The following IL1RAP variants were observed in gnomAD, a reference collection of about 807,000 sequenced individuals.
IL1RAP encodes interleukin 1 receptor accessory protein.
In IL1RAP, 35 loss-of-function variants were observed where a neutral mutation model predicts 60.7. The observed-to-expected ratio is 0.58, with a 90% CI of 0.44 to 0.76. The LOEUF (loss-of-function observed/expected upper bound fraction) is 0.76, where lower values mean the gene tolerates loss of function less well. Among genes scored for constraint, IL1RAP ranks in the 30% least tolerant of loss-of-function variants. The pLI, the probability that IL1RAP is intolerant of heterozygous loss-of-function variation, is 0.00. For missense variants in IL1RAP, 572 were observed against 693.9 expected (o/e 0.82, Z 1.97); for synonymous variants, 268 against 250.9 (o/e 1.07, Z -0.64).
intron 3 of IL1RAP, among the ~76,000 whole-genome samples, chr3:190,576,578 GA>G (rs1727471155): frequency 6.6e-6 from 1 of 152,054 alleles, no homozygotes; most frequent in Non-Finnish European, 1.5e-5. Context: ...AGAGATTAAA[GA>G]ACAATCCAGC....
intron 1 of IL1RAP, among the ~76,000 whole-genome samples, chr3:190,524,436 T>A (rs1280622690): frequency 6.6e-6 from 1 of 152,192 alleles, no homozygotes; most frequent in African/African-American, 2.4e-5. Flanking sequence ...CATTCCTATG[T>A]CCAGAATGGC....
rs1734267787 is a variant in IL1RAP, at chr3:190,649,538, A to G, written c.*833A>G. ...TAATGGTGCTATAGAGAGGGAGGTA[A>G]CAGAAAGACTCTTTTAGGGCATTTT... On this transcript the variant is annotated 3_prime_UTR_variant, in exon 12 of 12. Transcript: ENST00000447382. The G allele has an allele frequency of 2.0e-6, 2 of 985,688 alleles. No homozygotes were observed. The highest frequency in any genetic ancestry group is 3.5e-5 in the African/African-American group (2 of 57,230). The allele number at this position is 985,688 out of a possible 1,614,324, so 61.1% of individuals were successfully genotyped here.
At position 190,649,794 on chromosome 3, in the gene IL1RAP, G is replaced by A. The variant is rs1367006766; in HGVS notation, c.*1089G>A. On this transcript the variant is annotated 3_prime_UTR_variant, in exon 12 of 12. Coordinates refer to ENST00000447382, the MANE Select transcript of IL1RAP (RefSeq NM_002182.4). Reference sequence around the variant, plus strand: ...ATTCACTAGTGCAGGAAATATACTTGCTCCAAATAAGTCAGTATGAGAAGT... The same window carrying A: ...ATTCACTAGTGCAGGAAATATACTTACTCCAAATAAGTCAGTATGAGAAGT... 8.1e-6 allele frequency: 8 copies of A among 984,956 alleles called. No individual in the cohort carries two copies. The highest frequency in any genetic ancestry group is 3.6e-6 in the Non-Finnish European group (3 of 829,650). The allele number at this position is 984,956 out of a possible 1,614,324, so 61.0% of individuals were successfully genotyped here. A position where few individuals can be genotyped will look rare whatever the true frequency, so the allele number is the denominator to read the frequency against.
chr3:190,640,551 A>T lies in IL1RAP; in HGVS notation c.1052-3697A>T, dbSNP rs563284326. On this transcript the variant is annotated intron_variant, in intron 9 of 11. Transcript: ENST00000447382. ...TTCCAAAAATTATCCATCAGTCCCA[A>T]TAATTTAGAACGGAGTAGCCATGGG... 5.3e-5 allele frequency among the ~76,000 whole-genome samples: 8 copies of T among 152,330 alleles called. No individual in the cohort carries two copies. The South Asian group carries it at 1.7e-3, about 32-fold the overall frequency.
At chr3:190,573,826 G>A (rs771570614) in intron 3 of IL1RAP, among the ~76,000 whole-genome samples, 4 of 152,222 alleles carry the variant, frequency 2.6e-5, no homozygotes, top group Non-Finnish European at 4.4e-5. Flanking sequence ...ATAGTGGTGG[G>A]TAGGTATGTA....
intron 1 of IL1RAP, among the ~76,000 whole-genome samples, chr3:190,529,348 T>C (rs1722779318): frequency 6.6e-6 from 1 of 151,650 alleles, no homozygotes; most frequent in Non-Finnish European, 1.5e-5. Flanking sequence ...ACCAGCCTGG[T>C]CAAGAGACCA....
intron 1 of IL1RAP, among the ~76,000 whole-genome samples, chr3:190,546,274 C>A (rs1293839679): frequency 6.6e-6 from 1 of 152,100 alleles, no homozygotes; most frequent in East Asian, 1.9e-4. Context: ...TTAATTTTCC[C>A]CTAAGAGGCT....
At chr3:190,553,169 C>T (rs555009258) in intron 1 of IL1RAP, among the ~76,000 whole-genome samples, 62 of 152,262 alleles carry the variant, frequency 4.1e-4, no homozygotes, top group African/African-American at 1.3e-3. Context: ...GCCACGCCCC[C>T]GAGGACGTAC....
intron 3 of IL1RAP, among the ~76,000 whole-genome samples, chr3:190,575,526 A>T (rs1259306127): frequency 6.6e-6 from 1 of 152,216 alleles, no homozygotes; most frequent in Non-Finnish European, 1.5e-5. Flanking sequence ...ATGCTATTTA[A>T]TTGAGAATTG....
chr3:190,572,478 A>G (rs1306373319), intron 3 of IL1RAP, among the ~76,000 whole-genome samples: 8 of 152,096 alleles, frequency 5.3e-5, no homozygotes, highest in African/African-American at 1.9e-4. Context: ...AAAAAGAGAG[A>G]TAGTAGGAAA....
At chr3:190,654,190 T>TCACACACG (rs1734525580), downstream of IL1RAP, among the ~76,000 whole-genome samples, 1 of 140,414 alleles carries the variant, frequency 7.1e-6, no homozygotes, top group Non-Finnish European at 1.5e-5. Context: ...AAACATCATA[T>TCACACACG]CACACACACA....
At chr3:190,618,830 A>C (rs1731509906) in intron 5 of IL1RAP, among the ~76,000 whole-genome samples, 2 of 152,224 alleles carry the variant, frequency 1.3e-5, no homozygotes, top group African/African-American at 4.8e-5. Flanking sequence ...ACGTTACCCA[A>C]GCTTATAGTA....
intron 10 of IL1RAP, among the ~76,000 whole-genome samples, chr3:190,645,437 A>T (rs973260537): frequency 6.6e-6 from 1 of 152,190 alleles, no homozygotes; most frequent in Non-Finnish European, 1.5e-5. Flanking sequence ...TGGCTTTGTT[A>T]ATTTACAGTT....
At position 190,638,499 on chromosome 3, in the gene IL1RAP, T is replaced by C. The variant is rs570932879; in HGVS notation, c.1052-5749T>C. ...AATCTTAGCTGTTCTTCATCTGTCC[T>C]GGATACCAGTCCTTTGTCAGACACA... On this transcript the variant is annotated intron_variant, in intron 9 of 11. Transcript: ENST00000447382. Among the ~76,000 whole-genome samples the C allele has an allele frequency of 2.6e-5, 4 of 152,340 alleles. No individual in the cohort carries two copies. The South Asian group carries it at 8.3e-4, about 32-fold the overall frequency.
At chr3:190,543,072 T>G (rs1560153851) in intron 1 of IL1RAP, among the ~76,000 whole-genome samples, 1 of 152,158 alleles carries the variant, frequency 6.6e-6, no homozygotes, top group East Asian at 1.9e-4. Context: ...TGTTGTTCAG[T>G]GTCACCATAC....
chr3:190,592,054 C>G (rs1201922880), intron 3 of IL1RAP, among the ~76,000 whole-genome samples: 1 of 152,230 alleles, frequency 6.6e-6, no homozygotes, highest in Non-Finnish European at 1.5e-5. Flanking sequence ...GAATCTCGCT[C>G]TGTCTCCCAG....
At chr3:190,620,471 C>A in intron 6 of IL1RAP, 31 bp downstream of exon 6, 2 of 1,557,070 alleles carry the variant, frequency 1.3e-6, no homozygotes, top group Non-Finnish European at 1.7e-6. Context: ...GTACACACAA[C>A]AAGCATGTGA....
chr3:190,562,694 C>CCACA lies in IL1RAP; in HGVS notation c.-1-1556_-1-1553dup, dbSNP rs56393536. On this transcript the variant is annotated intron_variant, in intron 2 of 11. Coordinates refer to ENST00000447382, the MANE Select transcript of IL1RAP (RefSeq NM_002182.4). The stretch of plus-strand genomic sequence containing the variant: ...TTGCCTGTATCAAAACATATCTCGT[C>CCACA]CACACACACACACACACACACACAC... Among the ~76,000 whole-genome samples the CCACA allele has an allele frequency of 9.7e-3, 1,427 of 146,596 alleles. 13 individuals are homozygous for CCACA. The highest frequency in any genetic ancestry group is 0.03 in the East Asian group (149 of 4,968).
chr3:190,552,794 G>C (rs564392482), intron 1 of IL1RAP, among the ~76,000 whole-genome samples: 1 of 151,946 alleles, frequency 6.6e-6, no homozygotes, highest in Non-Finnish European at 1.5e-5. Context: ...AAAATAATTT[G>C]GTTGACTGAA....
Sources: gnomAD v4.1 joint callset for allele counts (sites outside exome capture counted in the v4.1 genomes callset) on GRCh38, gnomAD v4.1.1 for gene constraint, MANE v1.5 for transcripts, NCBI Gene and HGNC (gene_info 2026-07-23, HGNC 2026-07-21) for gene names.